Variants in ZNF33A observed in about 807,000 individuals in gnomAD.
ZNF33A encodes the protein zinc finger protein 33A, also known as brain my041 protein.
ZNF33A carries 9 observed loss-of-function variants against 15.9 expected under a neutral mutation model. The ratio of observed to expected loss-of-function variants is 0.57; its 90% CI spans 0.34 to 0.99. ZNF33A has a LOEUF of 0.99. Ranked by LOEUF, ZNF33A falls within the 50% of genes least tolerant of loss-of-function variation. The probability of loss-of-function intolerance (pLI) is 0.02; values close to 1 mark genes in which losing one functional copy is unlikely to be tolerated. For missense variants in ZNF33A, 843 were observed against 941.6 expected, an observed-to-expected ratio of 0.90 and a Z score of 1.37; for synonymous variants, 294 against 324.2, an observed-to-expected ratio of 0.91 and a Z score of 1.00.
Position 38,054,691 on chromosome 10 carries a change from G to GA in ZNF33A, c.572dup (p.Asn191LysfsTer2). ...AGCATGATGAAACTCATACTCAAGA[G>GA]AAAAATGAAGTTTTGAAAAATAGGA... is the stretch of plus-strand genomic sequence containing the variant. On this transcript the variant is annotated frameshift_variant, in exon 5 of 5. Transcript: ENST00000432900. LOFTEE classifies it low-confidence loss of function (END_TRUNC). The GA allele has an allele frequency of 6.2e-7, 1 of 1,613,726 alleles. No homozygotes were observed. Among genetic ancestry groups the GA allele is most frequent in the East Asian group, 2.2e-5 (1 of 44,848 alleles).
downstream of ZNF33A, among the ~76,000 whole-genome samples, chr10:38,062,981 C>T (rs1416116064): frequency 6.8e-5 from 8 of 117,734 alleles, no homozygotes; most frequent in Non-Finnish European, 9.5e-5. Context: ...CCAGCCTGGA[C>T]GACAGAGCGA....
chr10:38,026,677 A>G (rs937683523), intron 4 of ZNF33A, among the ~76,000 whole-genome samples: 4 of 152,214 alleles, frequency 2.6e-5, no homozygotes, highest in Non-Finnish European at 5.9e-5. Flanking sequence ...GTCATAGGTA[A>G]GAATCCATCA....
Position 38,057,374 on chromosome 10 carries a change from A to G in ZNF33A, c.*814A>G. Reference sequence around the variant, plus strand: ...ACAGATAAATTGAATAATCAGGGCAATAGCATTAAGCACATCTGCGAATTA... The same window carrying G: ...ACAGATAAATTGAATAATCAGGGCAGTAGCATTAAGCACATCTGCGAATTA... On this transcript the variant is annotated 3_prime_UTR_variant, in exon 5 of 5. Transcript: ENST00000432900. The G allele has an allele frequency of 1.0e-6, 1 of 985,450 alleles. No homozygotes were observed. Among genetic ancestry groups the G allele is most frequent in the Middle Eastern group, 5.2e-4 (1 of 1,914 alleles). The allele number at this position is 985,450 out of a possible 1,614,324, so 61.0% of individuals were successfully genotyped here.
chr10:38,039,104 C>T (rs1392859214), intron 4 of ZNF33A, among the ~76,000 whole-genome samples: 1 of 150,612 alleles, frequency 6.6e-6, no homozygotes, highest in African/African-American at 2.4e-5. Flanking sequence ...AGTGTTTCTT[C>T]TTATTTTCTT....
chr10:38,039,633 G>A (rs2065608045), intron 4 of ZNF33A: 1 of 448,090 alleles, frequency 2.2e-6, no homozygotes, highest in Non-Finnish European at 4.4e-6. Flanking sequence ...TTGTTTTATG[G>A]ATTTTCCCAT....
intron 4 of ZNF33A, among the ~76,000 whole-genome samples, chr10:38,033,626 A>G (rs1454016334): frequency 6.6e-6 from 1 of 152,012 alleles, no homozygotes; most frequent in South Asian, 2.1e-4. Flanking sequence ...ATTAATATTA[A>G]TATGTATTAT....
At chr10:38,019,983 T>A (rs12773340) in intron 4 of ZNF33A, among the ~76,000 whole-genome samples, 4,154 of 152,238 alleles carry the variant, frequency 0.027, 140 homozygotes, top group African/African-American at 0.082. Flanking sequence ...GTAAAATGTC[T>A]GATAGACTGA....
intron 2 of ZNF33A, among the ~76,000 whole-genome samples, chr10:38,013,697 T>TCC (rs2064308082): frequency 6.6e-6 from 1 of 152,068 alleles, no homozygotes; most frequent in Admixed American, 6.6e-5. Flanking sequence ...GACCTCGTGA[T>TCC]CCCCCACCTT....
Position 38,057,451 on chromosome 10 carries a change from C to T in ZNF33A, c.*891C>T, listed in dbSNP as rs1217635990. On this transcript the variant is annotated 3_prime_UTR_variant, in exon 5 of 5. Transcript: ENST00000432900. ...TGTATAAGTGGTATGTGATATAAAT[C>T]GTGTGTTTCATATGCATAATGGAAT... is the stretch of plus-strand genomic sequence containing the variant. 11 of 985,248 alleles carry T rather than the reference C, an allele frequency of 1.1e-5. No homozygotes were observed. The highest frequency in any genetic ancestry group is 1.3e-5 in the Non-Finnish European group (11 of 829,914). 61.0% of individuals were successfully genotyped at this position (985,248 alleles called of 1,614,324 possible). A position where few individuals can be genotyped will look rare whatever the true frequency, so the allele number is the denominator to read the frequency against.
intron 4 of ZNF33A, among the ~76,000 whole-genome samples, chr10:38,029,856 C>T (rs111620636): frequency 3.1e-4 from 47 of 152,082 alleles, no homozygotes; most frequent in African/African-American, 8.2e-4. Flanking sequence ...CCTTGGGAAA[C>T]GGATATCATT....
intron 4 of ZNF33A, among the ~76,000 whole-genome samples, chr10:38,025,050 T>C (rs77270594): frequency 0.021 from 3,154 of 152,358 alleles, 117 homozygotes; most frequent in East Asian, 0.11. Context: ...AATCTTTCCC[T>C]GTCCCTAATT....
intron 4 of ZNF33A, among the ~76,000 whole-genome samples, chr10:38,032,913 A>AT (rs1012377929): frequency 1.3e-5 from 2 of 151,356 alleles, no homozygotes; most frequent in African/African-American, 4.9e-5. Flanking sequence ...TGCCCAGCTA[A>AT]TTTTTTGTAT....
chr10:38,055,516 A>C lies in ZNF33A; in HGVS notation c.1392A>C (p.Thr464=). 1 of 1,614,132 alleles carries C rather than the reference A, an allele frequency of 6.2e-7. No individual in the cohort carries two copies. The highest frequency in any genetic ancestry group is 2.2e-5 in the East Asian group (1 of 44,862). ...TTAAAGTACACCAGAGAACTCACAC[A>C]GGTGAGAAACCTTTTGAATGTCTTG... The part of the protein sequence containing the change: ...SHLKVHQRTH[T]GEKPFECLEC... The change falls in exon 5 of 5, where the codon ACA becomes ACC. Residue 464 remains threonine, a synonymous_variant. Coordinates refer to ENST00000432900, the MANE Select transcript of ZNF33A (RefSeq NM_006954.2).
intron 4 of ZNF33A, among the ~76,000 whole-genome samples, chr10:38,047,520 G>A (rs1470120880): frequency 4.6e-5 from 7 of 151,190 alleles, no homozygotes; most frequent in Non-Finnish European, 7.4e-5. Flanking sequence ...CCAGCTACTC[G>A]GGAGGCTGAG....
intron 4 of ZNF33A, among the ~76,000 whole-genome samples, chr10:38,046,562 T>C (rs527163): frequency 0.53 from 80,039 of 151,964 alleles, 21,400 homozygotes; most frequent in South Asian, 0.71. Flanking sequence ...AAAATACTTA[T>C]AGGAAGCCAA....
intron 4 of ZNF33A, among the ~76,000 whole-genome samples, chr10:38,029,798 T>C (rs1314594960): frequency 6.6e-6 from 1 of 152,138 alleles, no homozygotes; most frequent in East Asian, 1.9e-4. Context: ...TCAGTGTATA[T>C]TGTGTAATTT....
chr10:38,050,988 C>G (rs2066175267), intron 4 of ZNF33A, among the ~76,000 whole-genome samples: 1 of 152,094 alleles, frequency 6.6e-6, no homozygotes, highest in South Asian at 2.1e-4. Context: ...ATAGGAATTT[C>G]ATTTGATGGG....
In ZNF33A at chr10:38,014,909, A is replaced by C. The variant is rs143494836; in HGVS notation, c.10-1962A>C. On this transcript the variant is annotated intron_variant, in intron 2 of 4. Coordinates refer to ENST00000432900, the MANE Select transcript of ZNF33A (RefSeq NM_006954.2). ...TTACTTACCTTTTTTTTTGAGACAG[A>C]GTCGCCCAGGCTGGAGTGCAGTGGT... Among the ~76,000 whole-genome samples the C allele has an allele frequency of 3.9e-3, 590 of 152,040 alleles. 5 individuals carry two copies. The highest frequency in any genetic ancestry group is 0.014 in the African/African-American group (581 of 41,512).
In ZNF33A at chr10:38,057,817, C is replaced by T. The variant is rs878875276; in HGVS notation, c.*1257C>T. The T allele has an allele frequency of 3.0e-6, 3 of 985,434 alleles. No individual in the cohort carries two copies. The South Asian group carries it at 1.4e-4, about 46-fold the overall frequency. The allele number at this position is 985,434 out of a possible 1,614,324, so 61.0% of individuals were successfully genotyped here. The stretch of plus-strand genomic sequence containing the variant: ...TAAGCAGCTGCTCTCCAAGACAGGG[C>T]CCTGGAAAGGCCCACACATACAGCC... On this transcript the variant is annotated 3_prime_UTR_variant, in exon 5 of 5. Coordinates refer to ENST00000432900, the MANE Select transcript of ZNF33A (RefSeq NM_006954.2).
Sources: gnomAD v4.1 joint callset for allele counts (sites outside exome capture counted in the v4.1 genomes callset) on GRCh38, gnomAD v4.1.1 for gene constraint, MANE v1.5 for transcripts, NCBI Gene and HGNC (gene_info 2026-07-23, HGNC 2026-07-21) for gene names.